The following XG variants were observed in gnomAD, a reference collection of about 807,000 sequenced individuals.
XG encodes glycoprotein Xg.
XG carries 24 observed loss-of-function variants against 25.7 expected under a neutral mutation model. The observed-to-expected ratio is 0.93, with a 90% CI of 0.68 to 1.31. The LOEUF is 1.31. XG is among the 40% of genes most tolerant of loss of function. The pLI, the probability that XG is intolerant of heterozygous loss-of-function variation, is 0.00. For synonymous variants in XG, 77 were observed against 69.2 expected (o/e 1.11, Z -0.56); for missense variants, 181 against 187.6 (o/e 0.96, Z 0.21).
chrX:2,805,876 G>T (rs950627130), intron 7 of XG, among the ~76,000 whole-genome samples: 1 of 111,948 alleles, frequency 8.9e-6, no homozygotes, highest in African/African-American at 3.2e-5. Context: ...ACTGCGACCT[G>T]TGAATTTGGA....
chrX:2,757,971 CAAAAAAAA>C (rs59540338), intron 1 of XG, among the ~76,000 whole-genome samples: 74 of 88,652 alleles, frequency 8.3e-4, no homozygotes, highest in East Asian at 2.3e-3. Context: ...GACTCCATCT[CAAAAAAAA>C]AAAAAAAAAA....
chrX:2,779,666 A>G (rs983599590), intron 3 of XG, among the ~76,000 whole-genome samples: 21 of 152,110 alleles, frequency 1.4e-4, no homozygotes, highest in Non-Finnish European at 7.4e-5. Context: ...ATTTATTTGG[A>G]GACAGAATCT....
Position 2,789,522 on chromosome X carries a change from T to C in XG, c.191-122T>C, listed in dbSNP as rs2086816657. Reference sequence around the variant, plus strand: ...TTATGAATATTGTCTACATGATTAATAAGCTCCGTAAAAGCAATGGGCAGT... The same window carrying C: ...TTATGAATATTGTCTACATGATTAACAAGCTCCGTAAAAGCAATGGGCAGT... On this transcript the variant is annotated intron_variant, in intron 4 of 10. Coordinates refer to ENST00000644266, the MANE Select transcript of XG (RefSeq NM_001141919.2). 1.0e-5 allele frequency: 4 copies of C among 399,817 alleles called. No homozygotes were observed. The South Asian group carries it at 1.5e-4, about 15-fold the overall frequency. The allele number at this position is 399,817 out of a possible 1,213,427, so 32.9% of individuals were successfully genotyped here.
intron 2 of XG, among the ~76,000 whole-genome samples, chrX:2,770,992 G>A (rs2050805853): frequency 6.6e-6 from 1 of 152,028 alleles, no homozygotes; most frequent in African/African-American, 2.4e-5. Flanking sequence ...AACAACAGGT[G>A]TGTGCCCCCA....
rs1480125347 is a variant in XG, at chrX:2,752,343, G to C, written c.61+8G>C. 3.1e-6 allele frequency: 5 copies of C among 1,612,930 alleles called. No homozygotes were observed. The highest frequency in any genetic ancestry group is 4.2e-6 in the Non-Finnish European group (5 of 1,179,838). ...TTCTAATGCACGCCCGAGGTAAGAGGCATTTTGCTTTGAGGGAGATCTGCC... is the reference window on the plus strand; with the variant it reads ...TTCTAATGCACGCCCGAGGTAAGAGCCATTTTGCTTTGAGGGAGATCTGCC... On this transcript the variant is annotated splice_region_variant and intron_variant, in intron 1 of 10. Coordinates refer to ENST00000644266, the MANE Select transcript of XG (RefSeq NM_001141919.2).
intron 1 of XG, among the ~76,000 whole-genome samples, chrX:2,761,166 G>T (rs1372032125): frequency 3.3e-5 from 5 of 152,130 alleles, no homozygotes; most frequent in Non-Finnish European, 7.4e-5. Context: ...TGGTGATGGG[G>T]TCTTTAAAGA....
chrX:2,786,260 C>T (rs865921862), intron 4 of XG, among the ~76,000 whole-genome samples: 44 of 60,552 alleles, frequency 7.3e-4, no homozygotes, highest in East Asian at 1.4e-3. Context: ...TCCATGTTGT[C>T]TTTTTTTTTT....
intron 1 of XG, among the ~76,000 whole-genome samples, chrX:2,769,516 C>A (rs1314092519): frequency 6.6e-6 from 1 of 152,164 alleles, no homozygotes; most frequent in Non-Finnish European, 1.5e-5. Context: ...GAACTCAATG[C>A]ATAGTAAGTG....
At chrX:2,807,921 A>G (rs1290704781) in intron 8 of XG, among the ~76,000 whole-genome samples, 1 of 110,280 alleles carries the variant, frequency 9.1e-6, no homozygotes, top group Admixed American at 9.7e-5. Flanking sequence ...ATGTATGTAG[A>G]CTCTCCAATC....
intron 3 of XG, among the ~76,000 whole-genome samples, chrX:2,779,016 G>C (rs1217494119): frequency 6.6e-6 from 1 of 151,914 alleles, no homozygotes; most frequent in Non-Finnish European, 1.5e-5. Flanking sequence ...TGTCCACCTC[G>C]GTGTCCCAAA....
At chrX:2,793,137 C>T (rs2086852512) in intron 5 of XG, among the ~76,000 whole-genome samples, 1 of 110,884 alleles carries the variant, frequency 9.0e-6, no homozygotes, top group Non-Finnish European at 1.9e-5. Context: ...CTCCTGGCCT[C>T]AAGCAATCCT....
At chrX:2,778,724 A>G (rs1247893255) in intron 3 of XG, among the ~76,000 whole-genome samples, 1 of 151,870 alleles carries the variant, frequency 6.6e-6, no homozygotes, top group Non-Finnish European at 1.5e-5. Flanking sequence ...GACTGAGACA[A>G]TTGGCTGTTC....
intron 4 of XG, among the ~76,000 whole-genome samples, chrX:2,787,479 C>T (rs975398793): frequency 3.6e-5 from 4 of 111,479 alleles, no homozygotes; most frequent in Non-Finnish European, 5.6e-5. Context: ...AACCAAGCCA[C>T]GAATATGCAG....
Position 2,815,227 on chromosome X carries a change from G to T in XG, c.*847G>T, listed in dbSNP as rs1296642324. The T allele has an allele frequency of 9.0e-6, 1 of 111,258 alleles. No individual in the cohort carries two copies. Among genetic ancestry groups the T allele is most frequent in the Non-Finnish European group, 1.9e-5 (1 of 53,012 alleles). 9.2% of individuals were successfully genotyped at this position (111,258 alleles called of 1,213,427 possible). On this transcript the variant is annotated 3_prime_UTR_variant, in exon 11 of 11. Coordinates refer to ENST00000644266, the MANE Select transcript of XG (RefSeq NM_001141919.2). ...GGTTTATACTTTTTCTATTCATCAG[G>T]GTAGGAAGTCTTAAATCCTTAGGCA...
chrX:2,801,500 G>A (rs2086937189), intron 7 of XG, among the ~76,000 whole-genome samples: 1 of 110,745 alleles, frequency 9.0e-6, no homozygotes, highest in African/African-American at 3.3e-5. Flanking sequence ...CGTGGGGAAG[G>A]CTGGTGGCCC....
chrX:2,800,062 G>A (rs2086920739), intron 7 of XG, among the ~76,000 whole-genome samples: 2 of 111,475 alleles, frequency 1.8e-5, no homozygotes, highest in African/African-American at 6.5e-5. Context: ...AACCTAGGCT[G>A]ATTCCATGTC....
At chrX:2,771,143 C>T (rs568385230) in intron 2 of XG, among the ~76,000 whole-genome samples, 2 of 152,312 alleles carry the variant, frequency 1.3e-5, no homozygotes, top group African/African-American at 2.4e-5. Context: ...CGTGCCTCAA[C>T]ATGCCTGGCC....
At chrX:2,775,684 G>A (rs1242363530) in intron 3 of XG, among the ~76,000 whole-genome samples, 2 of 151,746 alleles carry the variant, frequency 1.3e-5, no homozygotes, top group African/African-American at 2.4e-5. Flanking sequence ...GGCTGGGGGC[G>A]GTGGCTCACA....
intron 1 of XG, among the ~76,000 whole-genome samples, chrX:2,768,275 T>C (rs2050742180): frequency 6.6e-6 from 1 of 152,070 alleles, no homozygotes; most frequent in Non-Finnish European, 1.5e-5. Flanking sequence ...TGAAAGATAT[T>C]GGTCAACGGC....
Sources: allele counts gnomAD v4.1 joint callset (sites outside exome capture counted in the v4.1 genomes callset), GRCh38; gene constraint gnomAD v4.1.1; transcripts MANE v1.5; gene names NCBI Gene and HGNC (gene_info 2026-07-23, HGNC 2026-07-21).